KCNMA1: variants seen among roughly 807,000 people sequenced by gnomAD.
KCNMA1 encodes potassium calcium-activated channel subfamily M alpha 1.
KCNMA1 carries 29 observed loss-of-function variants against 140.0 expected under a neutral mutation model. That is an observed-to-expected ratio of 0.21 (90% CI 0.15 to 0.28). KCNMA1 has a LOEUF of 0.28. Ranked by LOEUF, KCNMA1 falls within the 10% of genes least tolerant of loss-of-function variation. The probability of loss-of-function intolerance (pLI) is 1.00; values close to 1 mark genes in which losing one functional copy is unlikely to be tolerated. For missense variants in KCNMA1, 880 were observed against 1,602.2 expected (o/e 0.55, Z 7.70); for synonymous variants, 612 against 611.9 (o/e 1.00, Z 0.00).
chr10:77,067,739 C>T (rs1473145069), intron 14 of KCNMA1, among the ~76,000 whole-genome samples: 2 of 152,172 alleles, frequency 1.3e-5, no homozygotes, highest in Admixed American at 6.5e-5. Flanking sequence ...ATGCAGTGGC[C>T]TCTGCTTTTG....
chr10:77,182,829 C>T (rs535760739), intron 5 of KCNMA1, among the ~76,000 whole-genome samples: 13 of 152,162 alleles, frequency 8.5e-5, no homozygotes, highest in Non-Finnish European at 1.5e-4. Flanking sequence ...ACTTTCTCCA[C>T]TAAAGTGTTC....
chr10:77,464,505 G>A lies in KCNMA1; in HGVS notation c.379-60482C>T, dbSNP rs147682350. ...GCCTCTTGCTAATGGGGAAGCAGCG[G>A]GTCTGAGTCATGCTAAGTAAGCCAG... On this transcript the variant is annotated intron_variant, in intron 1 of 27. Transcript: ENST00000286628. 4.6e-5 allele frequency among the ~76,000 whole-genome samples: 7 copies of A among 152,182 alleles called. No individual in the cohort carries two copies. The East Asian group carries it at 1.4e-3, about 29-fold the overall frequency.
intron 5 of KCNMA1, among the ~76,000 whole-genome samples, chr10:77,165,615 G>T (rs1032151657): frequency 6.6e-6 from 1 of 152,124 alleles, no homozygotes; most frequent in Admixed American, 6.6e-5. Flanking sequence ...CTCTGGAGTC[G>T]GGCTGACTTC....
At chr10:77,063,356 G>A (rs1359094551) in intron 14 of KCNMA1, among the ~76,000 whole-genome samples, 2 of 152,140 alleles carry the variant, frequency 1.3e-5, no homozygotes, top group Middle Eastern at 3.4e-3. Flanking sequence ...CAGCGGCTGG[G>A]TTGCTGGGGG....
rs115483283 is a variant in KCNMA1 at position 77,571,552 on chromosome 10, A to G, written c.378+65713T>C. Reference sequence around the variant, plus strand: ...TTGGCAAGCCAAAGCCAAAACAGATAAGGGCCCCTGTCTTCTCCCTTTGCC... The same window carrying G: ...TTGGCAAGCCAAAGCCAAAACAGATGAGGGCCCCTGTCTTCTCCCTTTGCC... On this transcript the variant is annotated intron_variant, in intron 1 of 27. Transcript: ENST00000286628. 1.9e-3 allele frequency among the ~76,000 whole-genome samples: 286 copies of G among 152,314 alleles called. 2 individuals carry two copies. Among genetic ancestry groups the G allele is most frequent in the African/African-American group, 6.4e-3 (268 of 41,574 alleles).
chr10:77,058,449 C>T (rs2095623089), intron 14 of KCNMA1, among the ~76,000 whole-genome samples: 1 of 152,030 alleles, frequency 6.6e-6, no homozygotes, highest in Non-Finnish European at 1.5e-5. Context: ...CCAACAATAG[C>T]AGAATATACA....
intron 24 of KCNMA1, chr10:76,911,436 C>G (rs1002568842): frequency 6.6e-6 from 1 of 152,212 alleles, no homozygotes; most frequent in Non-Finnish European, 1.5e-5. Flanking sequence ...CAGGCTCTGA[C>G]AACTGGGCTT....
chr10:77,305,106 T>TG (rs2077382237), intron 2 of KCNMA1, among the ~76,000 whole-genome samples: 1 of 152,166 alleles, frequency 6.6e-6, no homozygotes, highest in Non-Finnish European at 1.5e-5. Flanking sequence ...AGAAGCACCA[T>TG]GTCTGAAAAT....
intron 23 of KCNMA1, among the ~76,000 whole-genome samples, chr10:76,918,417 C>T (rs1334289983): frequency 6.6e-6 from 1 of 152,188 alleles, no homozygotes; most frequent in Admixed American, 6.5e-5. Context: ...GTACCCATAG[C>T]ACTTTGTTGA....
At chr10:77,079,678 A>G in intron 12 of KCNMA1, 128 bp from the exon 13 acceptor site, 1 of 728,490 alleles carries the variant, frequency 1.4e-6, no homozygotes, top group Admixed American at 2.0e-5. Context: ...TTGATTCCAG[A>G]GGCAGGGCTC....
intron 5 of KCNMA1, among the ~76,000 whole-genome samples, chr10:77,151,544 A>G (rs920590146): frequency 6.6e-6 from 1 of 152,250 alleles, no homozygotes; most frequent in Admixed American, 6.5e-5. Flanking sequence ...TGCAGTTTCT[A>G]CAGCTACTTT....
At chr10:77,445,071 A>G (rs772807299) in intron 1 of KCNMA1, among the ~76,000 whole-genome samples, 3 of 152,194 alleles carry the variant, frequency 2.0e-5, no homozygotes, top group Non-Finnish European at 2.9e-5. Flanking sequence ...AGACAGGGCC[A>G]GAATTCCAGA....
chr10:77,579,645 G>A (rs939662598), intron 1 of KCNMA1, among the ~76,000 whole-genome samples: 2 of 152,080 alleles, frequency 1.3e-5, no homozygotes, highest in Admixed American at 1.3e-4. Flanking sequence ...GGGAAGTTTT[G>A]GGAGGTTTTA....
intron 1 of KCNMA1, among the ~76,000 whole-genome samples, chr10:77,577,969 A>G: frequency 6.6e-6 from 1 of 152,242 alleles, no homozygotes; most frequent in African/African-American, 2.4e-5. Flanking sequence ...CCCTATTTAT[A>G]GCTCCCAGCA....
At chr10:77,241,381 C>T (rs918936796) in intron 3 of KCNMA1, among the ~76,000 whole-genome samples, 3 of 152,140 alleles carry the variant, frequency 2.0e-5, no homozygotes, top group African/African-American at 4.8e-5. Flanking sequence ...CAGTGGCTCA[C>T]GCCTGCAATG....
intron 2 of KCNMA1, among the ~76,000 whole-genome samples, chr10:77,255,747 A>G (rs536404585): frequency 7.9e-5 from 12 of 152,150 alleles, no homozygotes; most frequent in African/African-American, 2.4e-4. Context: ...CCCTGTCTCT[A>G]CTAAAAATAT....
intron 1 of KCNMA1, among the ~76,000 whole-genome samples, chr10:77,410,412 C>G (rs2096592846): frequency 6.6e-6 from 1 of 152,164 alleles, no homozygotes; most frequent in Admixed American, 6.5e-5. Flanking sequence ...TGAGGGGATC[C>G]CAGGGCCCCT....
At chr10:77,369,964 C>CTCTAAAT (rs2094579171) in intron 2 of KCNMA1, among the ~76,000 whole-genome samples, 1 of 152,160 alleles carries the variant, frequency 6.6e-6, no homozygotes, top group Non-Finnish European at 1.5e-5. Flanking sequence ...TAAATGCAAT[C>CTCTAAAT]GAAGGTTTTC....
rs141862441 is a variant in KCNMA1, at chr10:77,316,484, C to T, written c.541-65228G>A. Among the ~76,000 whole-genome samples the T allele has an allele frequency of 2.1e-3, 313 of 152,326 alleles. 1 individual carries two copies. Among genetic ancestry groups the T allele is most frequent in the African/African-American group, 7.0e-3 (293 of 41,574 alleles). On this transcript the variant is annotated intron_variant, in intron 2 of 27. Coordinates refer to ENST00000286628, the MANE Select transcript of KCNMA1 (RefSeq NM_001161352.2). ...AACTTGAGCTTGAGCCTGCACGGGACTCTCCTGGAGGGATTGTTCAAGCAC... is the reference window on the plus strand; with the variant it reads ...AACTTGAGCTTGAGCCTGCACGGGATTCTCCTGGAGGGATTGTTCAAGCAC...
Sources: gnomAD v4.1 joint callset for allele counts (sites outside exome capture counted in the v4.1 genomes callset) on GRCh38, gnomAD v4.1.1 for gene constraint, MANE v1.5 for transcripts, NCBI Gene and HGNC (gene_info 2026-07-23, HGNC 2026-07-21) for gene names.